Variants in PLCZ1 observed in about 807,000 individuals in gnomAD.
PLCZ1 encodes 1-phosphatidylinositol 4,5-bisphosphate phosphodiesterase zeta-1.
In PLCZ1, 64 loss-of-function variants were observed where a neutral mutation model predicts 76.8. The ratio of observed to expected loss-of-function variants is 0.83; its 90% CI spans 0.68 to 1.03. PLCZ1 has a LOEUF of 1.03. PLCZ1 is among the 50% of genes least tolerant of loss of function. The pLI, the probability that PLCZ1 is intolerant of heterozygous loss-of-function variation, is 0.00. For missense variants in PLCZ1, 751 were observed against 713.7 expected (o/e 1.05, Z -0.60); for synonymous variants, 248 against 230.8 (o/e 1.07, Z -0.68).
the PLCZ1 span, among the ~76,000 whole-genome samples, chr12:18,658,614 T>C: frequency 6.6e-6 from 1 of 152,120 alleles, no homozygotes; most frequent in African/African-American, 2.4e-5. Context: ...AATTTTTTAA[T>C]AGAAAATCAA....
the PLCZ1 span, among the ~76,000 whole-genome samples, chr12:18,650,329 CTCTA>C: frequency 4.9e-5 from 4 of 82,440 alleles, no homozygotes; most frequent in African/African-American, 1.9e-4. Context: ...CTCTCTCTCT[CTCTA>C]TATATATATA....
At chr12:18,646,554 C>T in the PLCZ1 span, among the ~76,000 whole-genome samples, 1 of 152,112 alleles carries the variant, frequency 6.6e-6, no homozygotes, top group African/African-American at 2.4e-5. Flanking sequence ...GTACAAAGTA[C>T]TGGAAGCTAA....
intron 6 of PLCZ1, among the ~76,000 whole-genome samples, chr12:18,711,170 G>T (rs886532711): frequency 6.6e-6 from 1 of 151,790 alleles, no homozygotes; most frequent in Non-Finnish European, 1.5e-5. Context: ...TTAAGAAAAT[G>T]GGGAACATAT....
the PLCZ1 span, among the ~76,000 whole-genome samples, chr12:18,674,645 G>C: frequency 6.6e-6 from 1 of 152,236 alleles, no homozygotes; most frequent in South Asian, 2.1e-4. Flanking sequence ...ATGAAACATG[G>C]TCACAAATTT....
At chr12:18,665,042 A>C in the PLCZ1 span, among the ~76,000 whole-genome samples, 1 of 150,416 alleles carries the variant, frequency 6.6e-6, no homozygotes, top group African/African-American at 2.4e-5. Flanking sequence ...AGCATTAGGA[A>C]ATATACCTAA....
chr12:18,656,498 G>A, the PLCZ1 span, among the ~76,000 whole-genome samples: 70 of 152,248 alleles, frequency 4.6e-4, no homozygotes, highest in African/African-American at 1.5e-3. Context: ...CCAGGAGAAG[G>A]AGGTTGCAGT....
chr12:18,693,481 A>G, intron 12 of PLCZ1: 1 of 1,608,470 alleles, frequency 6.2e-7, no homozygotes, highest in Non-Finnish European at 8.5e-7. Flanking sequence ...AAACCTTGTT[A>G]GCCAAAGCAG....
rs534125732 is a variant in PLCZ1 at position 18,697,630 on chromosome 12, A to G, written c.1175-1364T>C. ...CAAAGAACAAATCAAACCATATGTC[A>G]TCATTCAACTGATAACCACTGATAA... On this transcript the variant is annotated intron_variant, in intron 10 of 14. Transcript: ENST00000266505. Among the ~76,000 whole-genome samples, 4 of 152,288 alleles carry G rather than the reference A, an allele frequency of 2.6e-5. No individual in the cohort carries two copies. In the East Asian group the frequency reaches 7.7e-4, roughly 29 times the overall value.
the PLCZ1 span, among the ~76,000 whole-genome samples, chr12:18,672,483 G>A: frequency 3.3e-5 from 5 of 152,002 alleles, no homozygotes; most frequent in South Asian, 1.0e-3. Context: ...ATAAATCTAG[G>A]TTAAAACAAC....
intron 6 of PLCZ1, among the ~76,000 whole-genome samples, chr12:18,706,119 G>C (rs992883902): frequency 6.6e-6 from 1 of 151,728 alleles, no homozygotes; most frequent in African/African-American, 2.4e-5. Flanking sequence ...TGTAATCCCA[G>C]TTACCTGGGA....
intron 12 of PLCZ1, among the ~76,000 whole-genome samples, chr12:18,691,961 C>G (rs1565661370): frequency 1.3e-5 from 2 of 152,158 alleles, no homozygotes; most frequent in South Asian, 2.1e-4. Context: ...TCCTCCCATT[C>G]TCAGCTGAGA....
At chr12:18,662,190 T>C in the PLCZ1 span, among the ~76,000 whole-genome samples, 2 of 152,102 alleles carry the variant, frequency 1.3e-5, no homozygotes, top group African/African-American at 2.4e-5. Context: ...AGTTATGCTA[T>C]GCTACCTAAA....
rs1002856795 is a variant in PLCZ1 at position 18,693,059 on chromosome 12, G to A, written c.1461+1851C>T. 64 of 1,486,094 alleles carry A rather than the reference G, an allele frequency of 4.3e-5. 1 individual carries two copies. In the Admixed American group the frequency reaches 1.1e-3, roughly 24 times the overall value. The allele number at this position is 1,486,094 out of a possible 1,614,324, so 92.1% of individuals were successfully genotyped here. ...AACCATTAGAAGAAAAGCAAGAAGGGAAAAGATCAAAAGTGGATGATCTGA... is the reference window on the plus strand; with the variant it reads ...AACCATTAGAAGAAAAGCAAGAAGGAAAAAGATCAAAAGTGGATGATCTGA... On this transcript the variant is annotated intron_variant, in intron 12 of 14. Coordinates refer to ENST00000266505, the MANE Select transcript of PLCZ1 (RefSeq NM_033123.4).
intron 5 of PLCZ1, chr12:18,714,644 A>G (rs1366720229): frequency 1.3e-5 from 2 of 152,172 alleles, no homozygotes; most frequent in Non-Finnish European, 2.9e-5. Context: ...ACCAGTAAGT[A>G]CATTAAATTA....
Position 18,701,692 on chromosome 12 carries a change from C to G in PLCZ1, c.949G>C (p.Gly317Arg). The G allele has an allele frequency of 6.2e-7, 1 of 1,612,668 alleles. No homozygotes were observed. The change falls in exon 8 of 15, where the codon GGA becomes CGA. Residue 317 changes from glycine (G) to arginine (R), a missense_variant and splice_region_variant. Gly to Arg is a moderately radical substitution (Grantham distance 125, BLOSUM62 -2). Transcript: ENST00000266505. ...TCTTCTTCCCATTCCTCCACCTTACCACGCTTATCAGAACCTTTTCTTTCA... is the reference window on the plus strand; with the variant it reads ...TCTTCTTCCCATTCCTCCACCTTACGACGCTTATCAGAACCTTTTCTTTCA... ...THERKGSDKR[G>R]DNQDKETGVK...
At chr12:18,655,562 A>G in the PLCZ1 span, among the ~76,000 whole-genome samples, 6 of 152,144 alleles carry the variant, frequency 3.9e-5, no homozygotes, top group African/African-American at 1.4e-4. Context: ...TATAATATGG[A>G]AAAGAGGATT....
intron 3 of PLCZ1, 84 bp from the exon 4 acceptor site, chr12:18,723,626 G>A: frequency 9.7e-7 from 1 of 1,033,192 alleles, no homozygotes; most frequent in Non-Finnish European, 1.5e-6. Flanking sequence ...GTAACATGTA[G>A]TAATTTATAC....
At chr12:18,703,436 CTT>C (rs1346302795) in intron 7 of PLCZ1, among the ~76,000 whole-genome samples, 5 of 152,186 alleles carry the variant, frequency 3.3e-5, no homozygotes, top group Non-Finnish European at 7.4e-5. Context: ...GCCCTGGAAA[CTT>C]AGTCATGTAA....
At chr12:18,650,704 GTATATATCTATA>G in the PLCZ1 span, among the ~76,000 whole-genome samples, 298 of 57,738 alleles carry the variant, frequency 5.2e-3, 7 homozygotes, top group African/African-American at 0.014. Context: ...GTGTGTGTGT[GTATATATCTATA>G]TATATATATA....
Sources: gnomAD v4.1 joint callset for allele counts (sites outside exome capture counted in the v4.1 genomes callset) on GRCh38, gnomAD v4.1.1 for gene constraint, MANE v1.5 for transcripts, NCBI Gene and HGNC (gene_info 2026-07-23, HGNC 2026-07-21) for gene names.